The following PBLD variants were observed in gnomAD, a reference collection of about 807,000 sequenced individuals.
PBLD encodes phenazine biosynthesis-like domain-containing protein.
PBLD carries 26 observed loss-of-function variants against 31.3 expected under a neutral mutation model. The observed-to-expected ratio is 0.83, with a 90% CI of 0.61 to 1.15. PBLD has a LOEUF of 1.15. Ranked by LOEUF, PBLD falls within the 50% of genes most tolerant of loss-of-function variation. PBLD has a pLI of 0.00. For synonymous variants in PBLD, 114 were observed against 129.0 expected, an observed-to-expected ratio of 0.88 and a Z score of 0.79; for missense variants, 307 against 351.7, an observed-to-expected ratio of 0.87 and a Z score of 1.02.
At chr10:68,317,055 G>A (rs1401034861) in intron 1 of PBLD, among the ~76,000 whole-genome samples, 2 of 152,116 alleles carry the variant, frequency 1.3e-5, no homozygotes, top group Admixed American at 1.3e-4. Flanking sequence ...CAGCAAGAGA[G>A]ACATAACTCA....
At position 68,296,837 on chromosome 10, in the gene PBLD, C is replaced by G. The variant is rs773609068; in HGVS notation, c.184+49G>C. 28 of 1,491,480 alleles carry G rather than the reference C, an allele frequency of 1.9e-5. No homozygotes were observed. The African/African-American group carries it at 2.9e-4, about 16-fold the overall frequency. 92.4% of individuals were successfully genotyped at this position (1,491,480 alleles called of 1,614,324 possible). A position where few individuals can be genotyped will look rare whatever the true frequency, so the allele number is the denominator to read the frequency against. On this transcript the variant is annotated intron_variant, in intron 3 of 9. Coordinates refer to ENST00000358769, the MANE Select transcript of PBLD (RefSeq NM_022129.4). ...TGAGTCAAGATCATGCCACTGCACT[C>G]CAGCCCGTGCGACAGAACAGTTCTT...
intron 8 of PBLD, chr10:68,287,303 AC>A (rs2044301305): frequency 6.7e-6 from 1 of 149,436 alleles, no homozygotes; most frequent in Admixed American, 6.6e-5. Flanking sequence ...ACGGGGAAAA[AC>A]AAACAAACAA....
intron 1 of PBLD, among the ~76,000 whole-genome samples, chr10:68,321,451 T>A (rs1367699278): frequency 6.6e-6 from 1 of 152,228 alleles, no homozygotes; most frequent in East Asian, 1.9e-4. Flanking sequence ...GTAGGCCATT[T>A]GTTAGCCCAT....
At chr10:68,314,610 C>A (rs1312683660) in intron 1 of PBLD, among the ~76,000 whole-genome samples, 1 of 146,524 alleles carries the variant, frequency 6.8e-6, no homozygotes, top group Non-Finnish European at 1.5e-5. Context: ...TTTTTTTTTT[C>A]TTTTTGAGAC....
intron 1 of PBLD, among the ~76,000 whole-genome samples, chr10:68,314,716 G>A (rs1007588655): frequency 2.0e-5 from 3 of 151,994 alleles, no homozygotes; most frequent in Admixed American, 1.3e-4. Flanking sequence ...TCCTTCCTCA[G>A]ACTCCTAAGT....
intron 2 of PBLD, among the ~76,000 whole-genome samples, chr10:68,298,734 G>A (rs538654053): frequency 6.9e-6 from 1 of 144,024 alleles, no homozygotes; most frequent in African/African-American, 2.6e-5. Context: ...GGTTTATTGT[G>A]AAGATATATA....
chr10:68,311,620 C>T lies in PBLD; in HGVS notation c.-59-4717G>A, dbSNP rs182483121. ...AGAAAAAATTAGCTGGGCATGGTGG[C>T]GCATGCCTGTAGTCCCAGCTACTCG... On this transcript the variant is annotated intron_variant, in intron 1 of 9. Transcript: ENST00000358769. 1.1e-4 allele frequency among the ~76,000 whole-genome samples: 16 copies of T among 151,484 alleles called. No homozygotes were observed. In the East Asian group the frequency reaches 1.8e-3, roughly 17 times the overall value.
At chr10:68,304,544 T>C (rs2044551074) in intron 2 of PBLD, among the ~76,000 whole-genome samples, 1 of 152,188 alleles carries the variant, frequency 6.6e-6, no homozygotes, top group South Asian at 2.1e-4. Flanking sequence ...ATACAAAATA[T>C]GTTTTAACGG....
At chr10:68,322,154 T>A (rs1280940262) in intron 1 of PBLD, among the ~76,000 whole-genome samples, 2 of 152,118 alleles carry the variant, frequency 1.3e-5, no homozygotes, top group African/African-American at 4.8e-5. Context: ...CTCTGTGGTT[T>A]TCCTCCCAAG....
intron 1 of PBLD, among the ~76,000 whole-genome samples, chr10:68,309,406 CAAAAAAAAAAAA>C (rs58152894): frequency 8.7e-6 from 1 of 114,704 alleles, no homozygotes; most frequent in Admixed American, 1.0e-4. Context: ...GATTATGTTT[CAAAAAAAAAAAA>C]AAAAAAAAGA....
intron 2 of PBLD, among the ~76,000 whole-genome samples, chr10:68,304,830 T>C (rs1279213202): frequency 6.6e-6 from 1 of 152,254 alleles, no homozygotes. Flanking sequence ...AAGTTGTGTC[T>C]GCCAGATTGT....
At chr10:68,304,664 A>G (rs920924499) in intron 2 of PBLD, among the ~76,000 whole-genome samples, 2 of 152,276 alleles carry the variant, frequency 1.3e-5, no homozygotes, top group Non-Finnish European at 2.9e-5. Context: ...TAAGTTGGAC[A>G]ATAATCCAAT....
chr10:68,284,313 T>C (rs1245953663), intron 9 of PBLD, 24 bp from the exon 10 acceptor site: 1 of 1,573,538 alleles, frequency 6.4e-7, no homozygotes, highest in Non-Finnish European at 8.7e-7. Context: ...ACAGGTCAAA[T>C]TAAGAGTATT....
chr10:68,318,375 TAAAAAAAAAA>T (rs34722771), intron 1 of PBLD, among the ~76,000 whole-genome samples: 11 of 51,274 alleles, frequency 2.1e-4, no homozygotes, highest in East Asian at 6.8e-4. Context: ...CTGCCTCTAT[TAAAAAAAAAA>T]AAAAAAAAAA....
intron 9 of PBLD, chr10:68,284,942 T>A: frequency 1.1e-6 from 1 of 903,148 alleles, no homozygotes. Context: ...TTTCTCTGCC[T>A]CTAAGCAATA....
At position 68,292,046 on chromosome 10, in the gene PBLD, G is replaced by C; in HGVS notation, c.394-7C>G. ...CCTCTACTTCATGGAAGTCCTAGAT[G>C]GGGGGAAAAAAAACAAAATTATTAT... On this transcript the variant is annotated splice_polypyrimidine_tract_variant and splice_region_variant and intron_variant, in intron 5 of 9. Transcript: ENST00000358769. 1 of 1,585,790 alleles carries C rather than the reference G, an allele frequency of 6.3e-7. No homozygotes were observed. Among genetic ancestry groups the C allele is most frequent in the South Asian group, 1.1e-5 (1 of 89,818 alleles).
chr10:68,297,071 A>G, intron 2 of PBLD, 86 bp from the exon 3 acceptor site: 2 of 1,037,758 alleles, frequency 1.9e-6, no homozygotes, highest in Admixed American at 1.9e-5. Flanking sequence ...CTTAAAAAGC[A>G]GTTTAGCAAT....
chr10:68,328,988 T>C (rs2044969753), intron 1 of PBLD, among the ~76,000 whole-genome samples: 1 of 152,158 alleles, frequency 6.6e-6, no homozygotes, highest in Non-Finnish European at 1.5e-5. Flanking sequence ...AAGCAATTCT[T>C]GTGCCTCAGC....
At chr10:68,316,742 G>A (rs2044740761) in intron 1 of PBLD, among the ~76,000 whole-genome samples, 1 of 152,196 alleles carries the variant, frequency 6.6e-6, no homozygotes, top group African/African-American at 2.4e-5. Context: ...GTGGGGTACA[G>A]TGGCTCATGC....
Sources: gnomAD v4.1 joint callset for allele counts (sites outside exome capture counted in the v4.1 genomes callset) on GRCh38, gnomAD v4.1.1 for gene constraint, MANE v1.5 for transcripts, NCBI Gene and HGNC (gene_info 2026-07-23, HGNC 2026-07-21) for gene names.